FIG4: variants seen among roughly 807,000 people sequenced by gnomAD.
FIG4 encodes polyphosphoinositide phosphatase.
Under a neutral mutation model 118.6 loss-of-function variants are expected in FIG4, and 112 were observed. The observed-to-expected ratio is 0.94, with a 90% CI of 0.81 to 1.11. The LOEUF (loss-of-function observed/expected upper bound fraction) is 1.11. FIG4 is among the 50% of genes least tolerant of loss of function. FIG4 has a pLI of 0.00. For synonymous variants in FIG4, 369 were observed against 381.2 expected (o/e 0.97, Z 0.37); for missense variants, 969 against 1,111.7 (o/e 0.87, Z 1.83).
intron 6 of FIG4, among the ~76,000 whole-genome samples, chr6:109,737,654 A>G (rs1776197793): frequency 6.6e-6 from 1 of 152,140 alleles, no homozygotes; most frequent in Non-Finnish European, 1.5e-5. Flanking sequence ...TTTTCACTTC[A>G]TGTAAGTTTT....
intron 3 of FIG4, among the ~76,000 whole-genome samples, chr6:109,722,352 C>T (rs1413584089): frequency 6.6e-6 from 1 of 151,948 alleles, no homozygotes; most frequent in East Asian, 1.9e-4. Context: ...AGGCATCTTT[C>T]CATTATAGAT....
At chr6:109,760,404 T>C in intron 11 of FIG4, 21 bp downstream of exon 11, 1 of 1,604,154 alleles carries the variant, frequency 6.2e-7, no homozygotes, top group African/African-American at 1.3e-5. Flanking sequence ...CTCATCTGTC[T>C]GGCTATGATC....
chr6:109,808,350 C>CAAA (rs55948419), intron 22 of FIG4, among the ~76,000 whole-genome samples: 1,345 of 66,644 alleles, frequency 0.02, 4 homozygotes, highest in East Asian at 0.05. Flanking sequence ...ACACTCACAG[C>CAAA]AAAAAAAAAA....
At position 109,759,417 on chromosome 6, in the gene FIG4, G is replaced by GA. The variant is rs200052040; in HGVS notation, c.1138-824dup. On this transcript the variant is annotated intron_variant, in intron 10 of 22. Transcript: ENST00000230124. ...TGTATCCCATAACTTAAAGTATTAA[G>GA]AAAAAAAAAGAAAAAAAACTCACCA... Among the ~76,000 whole-genome samples the GA allele has an allele frequency of 6.0e-5, 9 of 148,958 alleles. No homozygotes were observed. In the South Asian group the frequency reaches 6.3e-4, roughly 11 times the overall value.
rs1350456768 is a variant in FIG4 at position 109,825,211 on chromosome 6, AG to A, written c.2672del (p.Gly891GlufsTer29). 4 of 1,614,004 alleles carry A rather than the reference AG, an allele frequency of 2.5e-6. No homozygotes were observed. The highest frequency in any genetic ancestry group is 1.3e-5 in the African/African-American group (1 of 74,932). ...QASQGIMQPL[G>X]KEDSSMYREY... ...CCAGCCAAGGTATCATGCAGCCCCT[AG>A]GAAAAGAGGACTCCTCCATGTACCG... On this transcript the variant is annotated frameshift_variant, in exon 23 of 23. Coordinates refer to ENST00000230124, the MANE Select transcript of FIG4 (RefSeq NM_014845.6). LOFTEE classifies it high-confidence loss of function.
intron 1 of FIG4, among the ~76,000 whole-genome samples, chr6:109,711,692 A>T (rs971285681): frequency 6.6e-5 from 10 of 152,134 alleles, no homozygotes; most frequent in African/African-American, 1.7e-4. Flanking sequence ...TGAAGACAGC[A>T]TACTGATGGG....
chr6:109,782,298 CT>C (rs1777829323), intron 16 of FIG4, among the ~76,000 whole-genome samples: 1 of 152,268 alleles, frequency 6.6e-6, no homozygotes, highest in East Asian at 1.9e-4. Flanking sequence ...CTATCTTGGG[CT>C]TAGTCGTCTT....
intron 1 of FIG4, among the ~76,000 whole-genome samples, chr6:109,698,140 A>G (rs1774790831): frequency 6.6e-6 from 1 of 151,624 alleles, no homozygotes; most frequent in Non-Finnish European, 1.5e-5. Flanking sequence ...CGCCCGCCTC[A>G]GCCTCCCAAA....
chr6:109,763,475 A>G (rs1777174449), intron 12 of FIG4, among the ~76,000 whole-genome samples: 1 of 152,252 alleles, frequency 6.6e-6, no homozygotes, highest in Non-Finnish European at 1.5e-5. Context: ...AAGGAAATCT[A>G]CAAAACCAAC....
chr6:109,825,026 C>T (rs1779117054), intron 22 of FIG4, 62 bp from the exon 23 acceptor site: 3 of 1,495,110 alleles, frequency 2.0e-6, no homozygotes, highest in Admixed American at 1.7e-5. Flanking sequence ...TCTGAGACTG[C>T]TCCCTGTGGT....
intron 22 of FIG4, among the ~76,000 whole-genome samples, chr6:109,824,785 A>G (rs1478292975): frequency 1.3e-5 from 2 of 152,238 alleles, no homozygotes; most frequent in Non-Finnish European, 2.9e-5. Flanking sequence ...AGTTGCTCCC[A>G]GTCATGTGAG....
chr6:109,755,426 G>A (rs1489820892), intron 10 of FIG4, among the ~76,000 whole-genome samples: 1 of 152,158 alleles, frequency 6.6e-6, no homozygotes, highest in Non-Finnish European at 1.5e-5. Flanking sequence ...GATTTGGGGT[G>A]GAGAGTTCTG....
intron 3 of FIG4, among the ~76,000 whole-genome samples, chr6:109,716,955 C>T (rs1775451133): frequency 6.6e-6 from 1 of 151,374 alleles, no homozygotes; most frequent in South Asian, 2.1e-4. Flanking sequence ...GGAATTTCTC[C>T]TAAGGTTAGT....
intron 3 of FIG4, among the ~76,000 whole-genome samples, chr6:109,720,671 A>G (rs1775579312): frequency 6.6e-6 from 1 of 152,220 alleles, no homozygotes; most frequent in South Asian, 2.1e-4. Context: ...TTGTGGGGCA[A>G]TCTAAATTGT....
rs1777543232 is a variant in FIG4, at chr6:109,773,998, G to C, written c.1751-2924G>C. 2.0e-5 allele frequency among the ~76,000 whole-genome samples: 3 copies of C among 152,090 alleles called. No individual in the cohort carries two copies. The South Asian group carries it at 6.2e-4, about 32-fold the overall frequency. On this transcript the variant is annotated intron_variant, in intron 15 of 22. Transcript: ENST00000230124. ...TCATATTTTTTATTATTTTTGTAGA[G>C]ACAGAATCTCCCTGTGTTCCCCAGG... is the stretch of plus-strand genomic sequence containing the variant.
Position 109,716,523 on chromosome 6 carries a change from G to A in FIG4, c.244G>A (p.Gly82Arg), listed in dbSNP as rs774546266. 7.4e-6 allele frequency: 12 copies of A among 1,613,870 alleles called. No individual in the cohort carries two copies. Among genetic ancestry groups the A allele is most frequent in the South Asian group, 1.1e-5 (1 of 91,080 alleles). The change falls in exon 3 of 23, where the codon GGA becomes AGA. Residue 82 changes from glycine to arginine, a missense_variant. Gly to Arg is a moderately radical substitution (Grantham distance 125, BLOSUM62 -2). This residue lies in a region of FIG4 where 393 missense variants were observed against 409.4 expected (regional missense o/e 0.96). Transcript: ENST00000230124. The stretch of plus-strand genomic sequence containing the variant: ...AAATAGAACAAAGATGGGACAGAAA[G>A]GATCCTCGGGCTTATTTCGAGCGGT... ...LGNRTKMGQK[G>R]SSGLFRAVSA...
Position 109,716,899 on chromosome 6 carries a change from G to A in FIG4, c.289+331G>A, listed in dbSNP as rs7771150. On this transcript the variant is annotated intron_variant, in intron 3 of 22. Coordinates refer to ENST00000230124, the MANE Select transcript of FIG4 (RefSeq NM_014845.6). ...ACTGTAAACATCCACCCTGCCATTC[G>A]TCAGCTGGAGTAACAAATCACGTAA... Among the ~76,000 whole-genome samples, 121,726 of 152,078 alleles carry A rather than the reference G, an allele frequency of 0.8. 49,009 individuals are homozygous for A. The highest frequency in any genetic ancestry group is 0.91 in the African/African-American group (37,591 of 41,516).
intron 2 of FIG4, 49 bp from the exon 3 acceptor site, chr6:109,716,396 A>G: frequency 6.2e-7 from 1 of 1,601,816 alleles, no homozygotes; most frequent in Non-Finnish European, 8.5e-7. Flanking sequence ...AATAATAAAT[A>G]ATCTAAAGTT....
chr6:109,768,053 C>T (rs1256875618), intron 15 of FIG4, among the ~76,000 whole-genome samples: 1 of 152,106 alleles, frequency 6.6e-6, no homozygotes, highest in Non-Finnish European at 1.5e-5. Context: ...GAGGGATGGG[C>T]TGAGGAGAGT....
Sources: allele counts gnomAD v4.1 joint callset (sites outside exome capture counted in the v4.1 genomes callset), GRCh38; gene constraint gnomAD v4.1.1; regional missense constraint gnomAD v4.1.1; transcripts MANE v1.5; gene names NCBI Gene and HGNC (gene_info 2026-07-23, HGNC 2026-07-21).